The following ABCC1 variants were observed in gnomAD, a reference collection of about 807,000 sequenced individuals.
ABCC1 encodes ATP binding cassette subfamily C member 1 (ABCC1 blood group).
In ABCC1, 83 loss-of-function variants were observed where a neutral mutation model predicts 172.9. The ratio of observed to expected loss-of-function variants is 0.48; its 90% CI spans 0.40 to 0.58. The LOEUF is 0.58. ABCC1 is among the 20% of genes least tolerant of loss of function. ABCC1 has a pLI of 0.00. For missense variants in ABCC1, 1,817 were observed against 2,002.7 expected, an observed-to-expected ratio of 0.91 and a Z score of 1.77; for synonymous variants, 937 against 825.2, an observed-to-expected ratio of 1.14 and a Z score of -2.32.
chr16:16,048,955 C>T (rs1340986230), intron 10 of ABCC1, among the ~76,000 whole-genome samples: 1 of 151,600 alleles, frequency 6.6e-6, no homozygotes, highest in Non-Finnish European at 1.5e-5. Flanking sequence ...TGCACTCCAG[C>T]CTGGGCAACA....
intron 12 of ABCC1, among the ~76,000 whole-genome samples, chr16:16,067,940 C>T (rs2050174421): frequency 6.6e-6 from 1 of 152,174 alleles, no homozygotes; most frequent in South Asian, 2.1e-4. Flanking sequence ...GCTCTTTGGG[C>T]TCCCGGTCGT....
chr16:16,015,037 G>A (rs1967120), intron 4 of ABCC1, among the ~76,000 whole-genome samples: 98,678 of 151,904 alleles, frequency 0.65, 32,544 homozygotes, highest in Non-Finnish European at 0.7. Context: ...GCTTGTCCTC[G>A]CGTTACCTTT....
At position 15,972,048 on chromosome 16, in the gene ABCC1, G is replaced by A. The variant is rs555727698; in HGVS notation, c.48+22249G>A. 2.5e-3 allele frequency among the ~76,000 whole-genome samples: 382 copies of A among 152,298 alleles called. 1 individual carries two copies. Among genetic ancestry groups the A allele is most frequent in the Non-Finnish European group, 2.9e-3 (200 of 68,032 alleles). On this transcript the variant is annotated intron_variant, in intron 1 of 30. Transcript: ENST00000399410. ...CACTCTGTGTTGTGTGGTATGCCCA[G>A]CCCTCTCTGCACATAACTTGTTTCA...
chr16:16,130,113 G>A (rs1272656956), intron 26 of ABCC1, among the ~76,000 whole-genome samples: 3 of 152,320 alleles, frequency 2.0e-5, no homozygotes, highest in Admixed American at 1.3e-4. Flanking sequence ...GCAAGTTACC[G>A]CCCCTCTCTG....
chr16:16,059,365 G>A (rs1243898563), intron 12 of ABCC1, among the ~76,000 whole-genome samples: 6 of 152,166 alleles, frequency 3.9e-5, no homozygotes, highest in Non-Finnish European at 5.9e-5. Flanking sequence ...CTCTTCCAGC[G>A]TAGTGCAAAA....
chr16:16,017,540 A>G (rs2048045605), intron 5 of ABCC1, among the ~76,000 whole-genome samples: 1 of 152,142 alleles, frequency 6.6e-6, no homozygotes, highest in Non-Finnish European at 1.5e-5. Flanking sequence ...AGGATCCATT[A>G]GCTATTCCTC....
intron 1 of ABCC1, among the ~76,000 whole-genome samples, chr16:15,973,003 C>T (rs566373776): frequency 6.6e-6 from 1 of 151,822 alleles, no homozygotes; most frequent in South Asian, 2.1e-4. Context: ...CCATGTTGCC[C>T]AGGCTGCTCT....
intron 20 of ABCC1, among the ~76,000 whole-genome samples, chr16:16,105,967 C>G (rs2052077328): frequency 6.6e-6 from 1 of 150,770 alleles, no homozygotes; most frequent in Non-Finnish European, 1.5e-5. Context: ...ATTTCTGCCT[C>G]TGGGATTCAA....
At chr16:15,957,246 A>AT (rs1157024430) in intron 1 of ABCC1, among the ~76,000 whole-genome samples, 6,687 of 131,092 alleles carry the variant, frequency 0.051, 489 homozygotes, top group African/African-American at 0.16. Context: ...TGCCCAGCTA[A>AT]TTTTTTTTTT....
intron 24 of ABCC1, among the ~76,000 whole-genome samples, chr16:16,124,349 G>GTGTGTGTGTGTGTGT (rs1567432159): frequency 1.8e-5 from 2 of 112,974 alleles, no homozygotes; most frequent in Non-Finnish European, 3.8e-5. Flanking sequence ...GTGTGTGTGT[G>GTGTGTGTGTGTGTGT]ATTATAGGAG....
rs61731711 is a variant in ABCC1, at chr16:16,009,799, C to T, written c.249C>T (p.Ile83=). 5.0e-5 allele frequency: 81 copies of T among 1,606,766 alleles called. No individual in the cohort carries two copies. The highest frequency in any genetic ancestry group is 1.7e-4 in the Middle Eastern group (1 of 6,060). The part of the protein sequence containing the change: ...TKTALGFLLW[I]VCWADLFYSF... ...AGGCCTTGGGATTTTTGCTGTGGATCGTCTGCTGGGCAGACCTCTTCTACT... is the reference window on the plus strand; with the variant it reads ...AGGCCTTGGGATTTTTGCTGTGGATTGTCTGCTGGGCAGACCTCTTCTACT... The change falls in exon 3 of 31, where the codon ATC becomes ATT. Residue 83 remains isoleucine (I), a synonymous_variant. Coordinates refer to ENST00000399410, the MANE Select transcript of ABCC1 (RefSeq NM_004996.4).
chr16:16,102,389 C>G (rs763781675), intron 19 of ABCC1, among the ~76,000 whole-genome samples: 1 of 152,158 alleles, frequency 6.6e-6, no homozygotes, highest in Non-Finnish European at 1.5e-5. Flanking sequence ...GTGGATGGAG[C>G]CTTCTGCACA....
At chr16:15,977,372 C>G (rs943744850) in intron 1 of ABCC1, among the ~76,000 whole-genome samples, 6 of 152,118 alleles carry the variant, frequency 3.9e-5, no homozygotes, top group Non-Finnish European at 5.9e-5. Flanking sequence ...CCATCTGGTC[C>G]TCTTCTGGCT....
intron 19 of ABCC1, among the ~76,000 whole-genome samples, chr16:16,092,565 T>C (rs773387137): frequency 1.4e-4 from 21 of 152,248 alleles, no homozygotes; most frequent in Non-Finnish European, 2.4e-4. Context: ...TTTCCTTTTA[T>C]TGCGGAATAA....
upstream of ABCC1, chr16:15,949,610 T>C (rs1223149168): frequency 2.2e-5 from 1 of 46,348 alleles, no homozygotes; most frequent in Admixed American, 4.5e-4. Flanking sequence ...CCCGGCTCCC[T>C]GCGCCGCCGC....
chr16:16,076,311 C>G lies in ABCC1; in HGVS notation c.1913-15C>G, dbSNP rs768615369. The G allele has an allele frequency of 3.7e-6, 6 of 1,612,502 alleles. No individual in the cohort carries two copies. The highest frequency in any genetic ancestry group is 2.2e-5 in the East Asian group (1 of 44,800). ...ACAGCTCAGCCTGTCCCTGACATGT[C>G]TCTGTGCTTTGTAGGCGGGGGCACG... On this transcript the variant is annotated splice_polypyrimidine_tract_variant and intron_variant, in intron 14 of 30. Transcript: ENST00000399410.
chr16:15,966,531 T>C (rs2046245772), intron 1 of ABCC1, among the ~76,000 whole-genome samples: 1 of 152,088 alleles, frequency 6.6e-6, no homozygotes, highest in African/African-American at 2.4e-5. Context: ...CCAGTAGTTA[T>C]AATTAGGTTG....
At chr16:16,080,165 T>A (rs2050753796) in intron 16 of ABCC1, among the ~76,000 whole-genome samples, 1 of 152,146 alleles carries the variant, frequency 6.6e-6, no homozygotes, top group Non-Finnish European at 1.5e-5. Context: ...GCAGCCTGTG[T>A]CTCCTTCCCT....
chr16:16,045,605 T>C (rs772792243), intron 8 of ABCC1, among the ~76,000 whole-genome samples: 2 of 152,068 alleles, frequency 1.3e-5, no homozygotes, highest in Non-Finnish European at 2.9e-5. Flanking sequence ...TGATGAGATA[T>C]AGCTAGAGCA....
Sources: allele counts gnomAD v4.1 joint callset (sites outside exome capture counted in the v4.1 genomes callset), GRCh38; gene constraint gnomAD v4.1.1; transcripts MANE v1.5; gene names NCBI Gene and HGNC (gene_info 2026-07-23, HGNC 2026-07-21).